TMEM223: variants seen among roughly 807,000 people sequenced by gnomAD.
TMEM223 encodes the protein transmembrane protein 223.
A neutral mutation model predicts 14.1 loss-of-function variants in TMEM223; 14 were observed. The ratio of observed to expected loss-of-function variants is 0.99; its 90% CI spans 0.66 to 1.55. The LOEUF is 1.55. TMEM223 is among the 40% of genes most tolerant of loss of function. The pLI is 0.00. For missense variants in TMEM223, 346 were observed against 269.9 expected (o/e 1.28, Z -1.97); for synonymous variants, 145 against 120.5 (o/e 1.20, Z -1.33).
chr11:62,776,496 G>A lies in TMEM223; in HGVS notation c.315-1831C>T. ...GTGAGTGGGGTGCAGGCTACAGAGG[G>A]CTCAGGTGGCATGAGGCCACTTCCA... On this transcript the variant is annotated intron_variant, in intron 1 of 2. Coordinates refer to the TMEM223 transcript ENST00000528367. 1.2e-6 allele frequency: 2 copies of A among 1,609,344 alleles called. 1 individual carries two copies. Among genetic ancestry groups the A allele is most frequent in the South Asian group, 2.2e-5 (2 of 91,004 alleles).
rs535228997 is a variant in TMEM223, at chr11:62,777,668, A to G, written c.315-3003T>C. On this transcript the variant is annotated intron_variant, in intron 1 of 2. Transcript: ENST00000528367. ...GAGTTGAGAGAGGAAGGCTATGTTT[A>G]GAAGACATTAGTGAGTTTTCAAAGT... Among the ~76,000 whole-genome samples, 6 of 152,314 alleles carry G rather than the reference A, an allele frequency of 3.9e-5. No individual in the cohort carries two copies. In the South Asian group the frequency reaches 6.2e-4, roughly 16 times the overall value.
chr11:62,787,516 A>G, downstream of TMEM223: 1 of 1,573,784 alleles, frequency 6.4e-7, no homozygotes, highest in Middle Eastern at 2.1e-4. Flanking sequence ...CGCGGCGATG[A>G]CTCGGACCCA....
At chr11:62,779,976 A>ATATATATATATATTTTTTTTTT (rs1294367864) in intron 1 of TMEM223, among the ~76,000 whole-genome samples, 23 of 52,616 alleles carry the variant, frequency 4.4e-4, no homozygotes, top group East Asian at 5.2e-4. Flanking sequence ...ATATATATAT[A>ATATATATATATATTTTTTTTTT]TTTTTTTTTT....
chr11:62,778,797 GGGA>G, intron 1 of TMEM223: 1 of 1,280,430 alleles, frequency 7.8e-7, no homozygotes, highest in Non-Finnish European at 1.1e-6. Context: ...GTGGTTGAGG[GGGA>G]GGAGGCTGGA....
At chr11:62,781,629 C>T (rs917942414) in intron 1 of TMEM223, 17 of 353,898 alleles carry the variant, frequency 4.8e-5, no homozygotes, top group African/African-American at 4.0e-4. Context: ...GAGCCAAGAT[C>T]GTGCCACTGG....
intron 2 of TMEM223, among the ~76,000 whole-genome samples, chr11:62,772,959 C>T (rs538100463): frequency 6.6e-6 from 1 of 151,474 alleles, no homozygotes; most frequent in African/African-American, 2.4e-5. Flanking sequence ...CTCACTGCAG[C>T]CTCTGCCTCC....
intron 1 of TMEM223, chr11:62,778,040 C>CT: frequency 6.2e-7 from 1 of 1,614,196 alleles, no homozygotes; most frequent in East Asian, 2.2e-5. Context: ...AGGGTGAACT[C>CT]TACTTTCCTG....
chr11:62,787,122 C>CGGGCGGCAGGCT, downstream of TMEM223: 1 of 1,557,092 alleles, frequency 6.4e-7, no homozygotes, highest in South Asian at 1.2e-5. Flanking sequence ...TCATCATAGC[C>CGGGCGGCAGGCT]GGGCGGCAGG....
intron 1 of TMEM223, chr11:62,775,685 A>G: frequency 7.0e-7 from 1 of 1,431,480 alleles, no homozygotes; most frequent in Non-Finnish European, 9.3e-7. Flanking sequence ...CACGAGCAGC[A>G]AGGCTGGTGT....
intron 1 of TMEM223, 104 bp downstream of exon 1, chr11:62,791,575 C>T: frequency 1.5e-6 from 2 of 1,342,212 alleles, no homozygotes; most frequent in Non-Finnish European, 9.8e-7. Context: ...TAAAGCCCGC[C>T]CGCCACTCTC....
At chr11:62,773,993 G>A (rs2084167932) in intron 2 of TMEM223, among the ~76,000 whole-genome samples, 1 of 152,162 alleles carries the variant, frequency 6.6e-6, no homozygotes, top group Non-Finnish European at 1.5e-5. Context: ...CAGAACACAA[G>A]AAAGTAGGAG....
At chr11:62,784,616 ATT>A (rs1279703724), downstream of TMEM223, among the ~76,000 whole-genome samples, 6 of 151,998 alleles carry the variant, frequency 3.9e-5, no homozygotes, top group Non-Finnish European at 5.9e-5. Context: ...TATATTCTTA[ATT>A]TTATCATCAA....
rs765474231 is a variant in TMEM223, at chr11:62,791,932, G to C, written c.63C>G (p.Thr21=). 6.3e-7 allele frequency: 1 copy of C among 1,596,116 alleles called. No homozygotes were observed. Among genetic ancestry groups the C allele is most frequent in the Admixed American group, 1.7e-5 (1 of 57,842 alleles). ...GCGTCGTGCCTTGCAGGGGCCGGCA[G>C]GTGAGCAGGGGCCGCAGCACGGCTA... The part of the protein sequence containing the change: ...GLLAVLRPLL[T]CRPLQGTTLQ... Residue 21 remains threonine (T), a synonymous_variant, in exon 1 of 2, where the codon ACC becomes ACG. Coordinates refer to ENST00000307366, the MANE Select transcript of TMEM223 (RefSeq NM_001080501.3).
chr11:62,787,063 G>A (rs773977995), downstream of TMEM223: 78 of 1,525,994 alleles, frequency 5.1e-5, no homozygotes, highest in Non-Finnish European at 6.3e-5. Context: ...CACCCGCGAC[G>A]TTTTCCAGAA....
downstream of TMEM223, among the ~76,000 whole-genome samples, chr11:62,783,284 C>T (rs1189475514): frequency 3.3e-5 from 5 of 152,072 alleles, no homozygotes; most frequent in Non-Finnish European, 5.9e-5. Flanking sequence ...AGATCGAAAC[C>T]ATCCTGGCTA....
In TMEM223 at chr11:62,790,478, G is replaced by T; in HGVS notation, c.*145C>A. ...GTAAATAGAGACAAGGTCTCGCTAT[G>T]TTGCCCAGCCTGGGCTCGAGCAGTG... On this transcript the variant is annotated 3_prime_UTR_variant, in exon 2 of 2. Coordinates refer to ENST00000307366, the MANE Select transcript of TMEM223 (RefSeq NM_001080501.3). 7.9e-5 allele frequency: 44 copies of T among 560,458 alleles called. No homozygotes were observed. Among genetic ancestry groups the T allele is most frequent in the Non-Finnish European group, 1.0e-4 (34 of 338,168 alleles). The allele number at this position is 560,458 out of a possible 1,614,324, so 34.7% of individuals were successfully genotyped here.
exon 3 of TMEM223, chr11:62,772,066 T>G (rs2084152322): frequency 1.5e-5 from 7 of 456,142 alleles, no homozygotes; most frequent in Non-Finnish European, 3.1e-5. Flanking sequence ...CCCTACTTAC[T>G]CAGTGCTTAC....
downstream of TMEM223, chr11:62,782,699 T>C (rs138568250): frequency 5.8e-4 from 932 of 1,612,198 alleles, no homozygotes; most frequent in Middle Eastern, 2.9e-3. Context: ...ACAGGACTCA[T>C]GGGGACCTTG....
chr11:62,787,290 GCT>G (rs966484041), downstream of TMEM223: 2 of 1,539,472 alleles, frequency 1.3e-6, no homozygotes, highest in Non-Finnish European at 1.7e-6. Flanking sequence ...TGTACTTGCC[GCT>G]CTGAGTCAGT....
Sources: allele counts gnomAD v4.1 joint callset (sites outside exome capture counted in the v4.1 genomes callset), GRCh38; gene constraint gnomAD v4.1.1; transcripts MANE v1.5; gene names NCBI Gene and HGNC (gene_info 2026-07-23, HGNC 2026-07-21).